ATG5: variants seen among roughly 807,000 people sequenced by gnomAD.
ATG5 encodes the protein autophagy related 5, also known as autophagy protein 5.
ATG5 carries 14 observed loss-of-function variants against 36.5 expected under a neutral mutation model. The ratio of observed to expected loss-of-function variants is 0.38; its 90% CI spans 0.25 to 0.60. The LOEUF is 0.60. Ranked by LOEUF, ATG5 falls within the 20% of genes least tolerant of loss-of-function variation. The pLI is 0.60. For synonymous variants in ATG5, 95 were observed against 101.5 expected (o/e 0.94, Z 0.38); for missense variants, 195 against 326.7 (o/e 0.60, Z 3.11).
chr6:106,203,435 C>T (rs1025467561), intron 6 of ATG5, among the ~76,000 whole-genome samples: 3 of 152,196 alleles, frequency 2.0e-5, no homozygotes, highest in South Asian at 2.1e-4. Flanking sequence ...AATAAATGAG[C>T]AACTTTGCCA....
At chr6:106,272,347 A>C (rs1378708299) in intron 5 of ATG5, among the ~76,000 whole-genome samples, 1 of 152,206 alleles carries the variant, frequency 6.6e-6, no homozygotes, top group Non-Finnish European at 1.5e-5. Flanking sequence ...CCTGCCAGGG[A>C]TTAAGTTCAA....
At chr6:106,252,822 A>G (rs73778103) in intron 5 of ATG5, among the ~76,000 whole-genome samples, 3,704 of 152,350 alleles carry the variant, frequency 0.024, 64 homozygotes, top group African/African-American at 0.049. Flanking sequence ...ACATCTAAGA[A>G]GCCAAGGGAG....
chr6:106,320,946 G>C (rs1771042627), intron 1 of ATG5, among the ~76,000 whole-genome samples: 1 of 152,226 alleles, frequency 6.6e-6, no homozygotes, highest in South Asian at 2.1e-4. Context: ...GCCTGACCTA[G>C]AGAGGTAGTC....
intron 3 of ATG5, among the ~76,000 whole-genome samples, chr6:106,304,556 G>A (rs1053341541): frequency 3.9e-5 from 6 of 152,162 alleles, no homozygotes; most frequent in East Asian, 1.9e-4. Context: ...AACATTACTC[G>A]AGGTAAAATT....
chr6:106,245,702 C>T (rs1344687464), intron 6 of ATG5, among the ~76,000 whole-genome samples: 1 of 151,766 alleles, frequency 6.6e-6, no homozygotes, highest in Non-Finnish European at 1.5e-5. Flanking sequence ...AAAAATTATG[C>T]CCTTTATTAA....
intron 4 of ATG5, among the ~76,000 whole-genome samples, chr6:106,281,624 A>G (rs909449557): frequency 6.6e-6 from 1 of 152,214 alleles, no homozygotes; most frequent in African/African-American, 2.4e-5. Flanking sequence ...ATTATTTAAA[A>G]AGCTGCTATG....
chr6:106,293,985 A>C (rs1395503629), intron 3 of ATG5, among the ~76,000 whole-genome samples: 1 of 151,652 alleles, frequency 6.6e-6, no homozygotes, highest in East Asian at 1.9e-4. Flanking sequence ...TTTTTCTTCA[A>C]ATTTTGGAAT....
At position 106,255,468 on chromosome 6, in the gene ATG5, G is replaced by A. The variant is rs562597353; in HGVS notation, c.479-7224C>T. 4.6e-5 allele frequency among the ~76,000 whole-genome samples: 7 copies of A among 152,190 alleles called. No individual in the cohort carries two copies. In the East Asian group the frequency reaches 1.4e-3, roughly 29 times the overall value. On this transcript the variant is annotated intron_variant, in intron 5 of 7. Coordinates refer to ENST00000369076, the MANE Select transcript of ATG5 (RefSeq NM_004849.4). ...ATTTAAAGAAAATTAATCTTATTAA[G>A]TATTGAGAAAAGCAGACTGTAAATT...
intron 1 of ATG5, among the ~76,000 whole-genome samples, chr6:106,322,660 G>A (rs1195066823): frequency 6.6e-6 from 1 of 152,194 alleles, no homozygotes; most frequent in Non-Finnish European, 1.5e-5. Context: ...TGGGAGGGAG[G>A]AAATTTTGTA....
At chr6:106,254,497 A>T (rs1260358695) in intron 5 of ATG5, among the ~76,000 whole-genome samples, 1 of 152,194 alleles carries the variant, frequency 6.6e-6, no homozygotes, top group East Asian at 1.9e-4. Flanking sequence ...AGCTAAATGA[A>T]TGACTAGGCA....
intron 4 of ATG5, among the ~76,000 whole-genome samples, chr6:106,288,258 C>T (rs962890074): frequency 2.0e-5 from 3 of 152,132 alleles, no homozygotes; most frequent in Admixed American, 6.5e-5. Flanking sequence ...GCATGAGTCA[C>T]TGCCCTGCCG....
chr6:106,301,750 C>A (rs1770216515), intron 3 of ATG5, among the ~76,000 whole-genome samples: 1 of 151,940 alleles, frequency 6.6e-6, no homozygotes, highest in Non-Finnish European at 1.5e-5. Flanking sequence ...TACAAACATT[C>A]CAAAATCTGA....
chr6:106,282,545 C>T (rs1305754773), intron 4 of ATG5, among the ~76,000 whole-genome samples: 1 of 152,158 alleles, frequency 6.6e-6, no homozygotes, highest in Non-Finnish European at 1.5e-5. Context: ...TATGGAAGTG[C>T]TTACACTGAG....
intron 5 of ATG5, among the ~76,000 whole-genome samples, chr6:106,271,253 C>G (rs1779441658): frequency 6.6e-6 from 1 of 152,176 alleles, no homozygotes; most frequent in Non-Finnish European, 1.5e-5. Context: ...CAAAACATAC[C>G]TATTGTGGAC....
intron 5 of ATG5, among the ~76,000 whole-genome samples, chr6:106,255,426 A>G (rs929423686): frequency 6.6e-6 from 1 of 152,188 alleles, no homozygotes; most frequent in Non-Finnish European, 1.5e-5. Flanking sequence ...TAAATCGTTA[A>G]AAACTACTGC....
intron 6 of ATG5, among the ~76,000 whole-genome samples, chr6:106,229,430 CAG>C (rs890492070): frequency 2.2e-4 from 33 of 150,324 alleles, no homozygotes; most frequent in African/African-American, 3.7e-4. Flanking sequence ...GAGAGAGAGA[CAG>C]AGAGGAGAGA....
Position 106,314,678 on chromosome 6 carries a change from C to T in ATG5, c.108+1423G>A, listed in dbSNP as rs1450625007. 2.6e-5 allele frequency among the ~76,000 whole-genome samples: 4 copies of T among 151,830 alleles called. No homozygotes were observed. The South Asian group carries it at 6.2e-4, about 24-fold the overall frequency. ...CATACTCTTATATACTATTACAAAG[C>T]CAATGAAGGTTAAAAGTTGTAATTA... On this transcript the variant is annotated intron_variant, in intron 2 of 7. Coordinates refer to ENST00000369076, the MANE Select transcript of ATG5 (RefSeq NM_004849.4).
chr6:106,309,548 T>C (rs779052629), intron 2 of ATG5, among the ~76,000 whole-genome samples: 24 of 152,144 alleles, frequency 1.6e-4, no homozygotes, highest in Non-Finnish European at 2.6e-4. Flanking sequence ...TATTCTTTTA[T>C]AAAGAAATAA....
At chr6:106,198,650 A>C (rs1776295639) in intron 7 of ATG5, among the ~76,000 whole-genome samples, 1 of 152,016 alleles carries the variant, frequency 6.6e-6, no homozygotes, top group Non-Finnish European at 1.5e-5. Context: ...GGTGGCAGGC[A>C]CCTGTAATCC....
Sources: gnomAD v4.1 joint callset for allele counts (sites outside exome capture counted in the v4.1 genomes callset) on GRCh38, gnomAD v4.1.1 for gene constraint, MANE v1.5 for transcripts, NCBI Gene and HGNC (gene_info 2026-07-23, HGNC 2026-07-21) for gene names.